MBD5: variants seen among roughly 807,000 people sequenced by gnomAD.
The protein encoded by MBD5 is methyl-CpG-binding domain protein 5.
Under a neutral mutation model 117.3 loss-of-function variants are expected in MBD5, and 13 were observed. That is an observed-to-expected ratio of 0.11 (90% CI 0.07 to 0.18). MBD5 has a LOEUF of 0.18. MBD5 is among the 10% of genes least tolerant of loss of function. MBD5 has a pLI of 1.00. For missense variants in MBD5, 1,879 were observed against 2,093.8 expected, an observed-to-expected ratio of 0.90 and a Z score of 2.00; for synonymous variants, 727 against 766.4, an observed-to-expected ratio of 0.95 and a Z score of 0.85.
At chr2:148,306,075 A>G (rs933477902) in intron 3 of MBD5, among the ~76,000 whole-genome samples, 5 of 152,314 alleles carry the variant, frequency 3.3e-5, no homozygotes, top group Admixed American at 1.3e-4. Flanking sequence ...TTTCATAAGG[A>G]ATCTCAGATT....
intron 1 of MBD5, among the ~76,000 whole-genome samples, chr2:148,163,226 T>G (rs140262067): frequency 3.9e-4 from 60 of 152,324 alleles, no homozygotes; most frequent in Admixed American, 6.5e-4. Flanking sequence ...CCAAAGACAT[T>G]ATAGTGTAAT....
chr2:148,481,592 A>G (rs1229629150), intron 8 of MBD5: 1 of 152,188 alleles, frequency 6.6e-6, no homozygotes, highest in Non-Finnish European at 1.5e-5. Flanking sequence ...AAATGCATGT[A>G]TTACATAAAA....
chr2:148,045,791 A>G (rs1341145033), intron 1 of MBD5, among the ~76,000 whole-genome samples: 3 of 151,982 alleles, frequency 2.0e-5, no homozygotes, highest in African/African-American at 7.2e-5. Flanking sequence ...TTCTTTCTCC[A>G]TTGTCTTTAT....
intron 4 of MBD5, among the ~76,000 whole-genome samples, chr2:148,400,348 AT>A (rs910184232): frequency 2.5e-4 from 38 of 152,282 alleles, no homozygotes; most frequent in African/African-American, 8.9e-4. Context: ...AGGAATGTTA[AT>A]TCTCTATTAC....
chr2:148,219,821 T>G (rs1465470512), intron 2 of MBD5: 1 of 152,180 alleles, frequency 6.6e-6, no homozygotes, highest in East Asian at 1.9e-4. Context: ...ATAAACATGC[T>G]TAAGTTTAAT....
chr2:148,447,164 G>GGAAAGAAAGA (rs1706566558), intron 4 of MBD5, among the ~76,000 whole-genome samples: 2 of 104,040 alleles, frequency 1.9e-5, no homozygotes, highest in African/African-American at 7.9e-5. Context: ...GGAAAGAAAG[G>GGAAAGAAAGA]AAGAAAGGAA....
intron 3 of MBD5, among the ~76,000 whole-genome samples, chr2:148,316,651 A>G (rs2034672): frequency 0.94 from 143,596 of 152,222 alleles, 68,252 homozygotes; most frequent in East Asian, 1. Flanking sequence ...ATCTAGCATA[A>G]TACTTGGTTC....
chr2:148,493,609 C>T (rs1165953418), intron 11 of MBD5, among the ~76,000 whole-genome samples: 2 of 152,186 alleles, frequency 1.3e-5, no homozygotes. Context: ...TGATAATTGC[C>T]AAGGGCTGAG....
At chr2:148,154,327 C>G (rs34593216) in intron 1 of MBD5, among the ~76,000 whole-genome samples, 1 of 151,936 alleles carries the variant, frequency 6.6e-6, no homozygotes, top group African/African-American at 2.4e-5. Flanking sequence ...AACCACTGCT[C>G]TCTTCAAAGC....
At chr2:148,133,170 G>C (rs1015750162) in intron 1 of MBD5, among the ~76,000 whole-genome samples, 11 of 152,102 alleles carry the variant, frequency 7.2e-5, no homozygotes, top group Non-Finnish European at 1.0e-4. Flanking sequence ...TTTAAAGGAA[G>C]CCAAAAAATC....
intron 2 of MBD5, among the ~76,000 whole-genome samples, chr2:148,180,343 C>CATATATATATATATATATGTAT (rs1698498557): frequency 9.5e-6 from 1 of 105,544 alleles, no homozygotes; most frequent in African/African-American, 3.6e-5. Context: ...AAAAATTATA[C>CATATATATATATATATATGTAT]ATATATATAT....
intron 3 of MBD5, among the ~76,000 whole-genome samples, chr2:148,338,072 C>T (rs1022719622): frequency 6.6e-6 from 1 of 152,134 alleles, no homozygotes; most frequent in Non-Finnish European, 1.5e-5. Context: ...AAGAATTTTT[C>T]AGGTTCTGTT....
intron 8 of MBD5, among the ~76,000 whole-genome samples, chr2:148,478,733 A>G (rs1421379499): frequency 6.6e-6 from 1 of 152,138 alleles, no homozygotes. Flanking sequence ...CAATGAGAAA[A>G]AGAAAGTATG....
chr2:148,148,737 A>G (rs1358689911), intron 1 of MBD5, among the ~76,000 whole-genome samples: 1 of 152,122 alleles, frequency 6.6e-6, no homozygotes. Context: ...GTCTATAGAT[A>G]TGACATGCTT....
intron 1 of MBD5, among the ~76,000 whole-genome samples, chr2:148,033,481 T>C (rs1255540405): frequency 6.6e-6 from 1 of 152,192 alleles, no homozygotes; most frequent in Non-Finnish European, 1.5e-5. Context: ...CATTTCAGGT[T>C]GATCTTAAGT....
intron 4 of MBD5, among the ~76,000 whole-genome samples, chr2:148,432,410 G>A (rs545256455): frequency 6.6e-6 from 1 of 152,006 alleles, no homozygotes; most frequent in East Asian, 1.9e-4. Flanking sequence ...TGTTGCAGTG[G>A]CTTCTGCTGT....
At chr2:148,171,771 A>G (rs1372552780) in intron 1 of MBD5, among the ~76,000 whole-genome samples, 2 of 152,260 alleles carry the variant, frequency 1.3e-5, no homozygotes, top group African/African-American at 4.8e-5. Flanking sequence ...GTAAAGTTGC[A>G]GGATACAAAA....
intron 4 of MBD5, among the ~76,000 whole-genome samples, chr2:148,373,492 C>T (rs1703910999): frequency 6.6e-6 from 1 of 152,114 alleles, no homozygotes; most frequent in Non-Finnish European, 1.5e-5. Flanking sequence ...TTAGCTTTCA[C>T]TTATCATATA....
intron 2 of MBD5, among the ~76,000 whole-genome samples, chr2:148,232,890 C>G (rs1700022298): frequency 6.6e-6 from 1 of 152,110 alleles, no homozygotes; most frequent in African/African-American, 2.4e-5. Context: ...CAGTCTCCTT[C>G]TCTTTTCTCA....
Sources: allele counts gnomAD v4.1 joint callset (sites outside exome capture counted in the v4.1 genomes callset), GRCh38; gene constraint gnomAD v4.1.1; transcripts MANE v1.5; gene names NCBI Gene and HGNC (gene_info 2026-07-23, HGNC 2026-07-21).